ACSM2B: variants seen among roughly 807,000 people sequenced by gnomAD.
The protein encoded by ACSM2B is acyl-CoA synthetase medium chain family member 2B, also known as acyl-coenzyme A synthetase ACSM2B, mitochondrial.
Under a neutral mutation model 78.6 loss-of-function variants are expected in ACSM2B, and 58 were observed. The observed-to-expected ratio is 0.74, with a 90% CI of 0.60 to 0.92. The LOEUF is 0.92. Among genes scored for constraint, ACSM2B ranks in the 40% least tolerant of loss-of-function variants. ACSM2B has a pLI of 0.00. For missense variants in ACSM2B, 688 were observed against 711.2 expected (o/e 0.97, Z 0.37); for synonymous variants, 257 against 256.8 (o/e 1.00, Z -0.01).
At chr16:20,547,250 C>T (rs1461262742) in intron 8 of ACSM2B, 1 of 985,408 alleles carries the variant, frequency 1.0e-6, no homozygotes, top group African/African-American at 1.7e-5. Context: ...TAAACATGTC[C>T]TCCTCTGAAT....
intron 12 of ACSM2B, chr16:20,542,007 A>T (rs939180224): frequency 6.6e-6 from 1 of 152,102 alleles, no homozygotes; most frequent in Non-Finnish European, 1.5e-5. Context: ...TATTGGGTAC[A>T]AGTGACATTT....
chr16:20,554,816 C>T (rs2015418868), intron 4 of ACSM2B, among the ~76,000 whole-genome samples: 1 of 152,242 alleles, frequency 6.6e-6, no homozygotes, highest in Non-Finnish European at 1.5e-5. Context: ...TTTCAACCCA[C>T]TTGGTGTTAA....
intron 3 of ACSM2B, 51 bp from the exon 4 acceptor site, chr16:20,555,527 C>T: frequency 6.2e-7 from 1 of 1,606,174 alleles, no homozygotes; most frequent in African/African-American, 1.3e-5. Context: ...TTCTTTGTCC[C>T]TAGAGAAGCC....
intron 4 of ACSM2B, 52 bp downstream of exon 4, chr16:20,555,217 G>A: frequency 6.2e-7 from 1 of 1,611,874 alleles, no homozygotes; most frequent in Non-Finnish European, 8.5e-7. Context: ...TAAGTGCTTG[G>A]CTCTGTTTCC....
Position 20,548,380 on chromosome 16 carries a change from C to T in ACSM2B, c.974+14G>A, listed in dbSNP as rs2015206747. On this transcript the variant is annotated intron_variant, in intron 7 of 13. Coordinates refer to ENST00000329697, the MANE Select transcript of ACSM2B (RefSeq NM_001105069.2). ...GGGGCCAGACTCTCTTACCAATCCT[C>T]AAAGCCCCATCACCTGGAAAGATCC... 1 of 1,613,586 alleles carries T rather than the reference C, an allele frequency of 6.2e-7. No individual in the cohort carries two copies. Among genetic ancestry groups the T allele is most frequent in the East Asian group, 2.2e-5 (1 of 44,876 alleles).
At chr16:20,552,092 G>T (rs2015327191) in intron 6 of ACSM2B, 52 bp downstream of exon 6, 1 of 1,545,078 alleles carries the variant, frequency 6.5e-7, no homozygotes, top group African/African-American at 1.4e-5. Context: ...ATTGAAGTGT[G>T]CAAACCTCGG....
intron 1 of ACSM2B, among the ~76,000 whole-genome samples, chr16:20,567,877 T>C (rs1350954141): frequency 7.0e-6 from 1 of 142,944 alleles, no homozygotes; most frequent in African/African-American, 2.5e-5. Context: ...AGATATATAC[T>C]ATACTATTAT....
chr16:20,549,686 A>T (rs778940870), intron 6 of ACSM2B: 8 of 414,180 alleles, frequency 1.9e-5, no homozygotes, highest in Non-Finnish European at 2.8e-5. Context: ...AGGTCCTGAG[A>T]ACACGTGCCC....
intron 1 of ACSM2B, among the ~76,000 whole-genome samples, chr16:20,565,714 T>G (rs2015805209): frequency 6.6e-6 from 1 of 152,098 alleles, no homozygotes; most frequent in Non-Finnish European, 1.5e-5. Flanking sequence ...ATTTGTGACA[T>G]TGTTGTGCAC....
At chr16:20,562,344 G>C (rs1168582093) in intron 2 of ACSM2B, among the ~76,000 whole-genome samples, 1 of 152,092 alleles carries the variant, frequency 6.6e-6, no homozygotes. Context: ...CATAGTTTGA[G>C]AGTAATGATG....
chr16:20,560,250 G>T (rs2015611803), intron 2 of ACSM2B, among the ~76,000 whole-genome samples: 1 of 151,634 alleles, frequency 6.6e-6, no homozygotes, highest in East Asian at 1.9e-4. Flanking sequence ...ACATGATATT[G>T]TCTGAATATT....
At position 20,536,438 on chromosome 16, in the gene ACSM2B, GTGCC is replaced by G. The variant is rs1406137771; in HGVS notation, c.*816_*819del. 1.3e-5 allele frequency: 2 copies of G among 152,150 alleles called. No homozygotes were observed. The allele number at this position is 152,150 out of a possible 1,614,324, so 9.4% of individuals were successfully genotyped here. A position where few individuals can be genotyped will look rare whatever the true frequency, so the allele number is the denominator to read the frequency against. ...TGGTATTTATAATGTGTCTGGGTCA[GTGCC>G]TGGCACATGGCAAATGCTTAATAAA... On this transcript the variant is annotated 3_prime_UTR_variant, in exon 14 of 14. Transcript: ENST00000329697.
chr16:20,559,618 T>C (rs1376601436), intron 2 of ACSM2B, among the ~76,000 whole-genome samples, 171 bp from the exon 3 acceptor site: 1 of 151,072 alleles, frequency 6.6e-6, no homozygotes, highest in African/African-American at 2.5e-5. Flanking sequence ...TTATATGAGT[T>C]ATATCTATCA....
In ACSM2B at chr16:20,562,289, C is replaced by T. The variant is rs926531796; in HGVS notation, c.177+2380G>A. On this transcript the variant is annotated intron_variant, in intron 2 of 13. Coordinates refer to ENST00000329697, the MANE Select transcript of ACSM2B (RefSeq NM_001105069.2). ...GTTTTATTGTAAAATAGACCCTTCG[C>T]ATATCCCCTGAAAGAGTCTCATGTA... 4.6e-5 allele frequency among the ~76,000 whole-genome samples: 7 copies of T among 152,248 alleles called. No individual in the cohort carries two copies. In the South Asian group the frequency reaches 1.2e-3, roughly 27 times the overall value.
rs1245253628 is a variant in ACSM2B, at chr16:20,549,066, C to T, written c.895-593G>A. Among the ~76,000 whole-genome samples, 6 of 152,150 alleles carry T rather than the reference C, an allele frequency of 3.9e-5. No homozygotes were observed. The South Asian group carries it at 1.2e-3, about 31-fold the overall frequency. ...TTCCAATAACCTCATGGAGTGTGCG[C>T]TATCATCCTCATGATACAGAGGGGA... is the stretch of plus-strand genomic sequence containing the variant. On this transcript the variant is annotated intron_variant, in intron 6 of 13. Transcript: ENST00000329697.
intron 5 of ACSM2B, among the ~76,000 whole-genome samples, chr16:20,552,856 G>C (rs1304496138): frequency 6.6e-6 from 1 of 152,144 alleles, no homozygotes; most frequent in East Asian, 1.9e-4. Context: ...ACTTCCTTGT[G>C]ACGGGAACTG....
intron 1 of ACSM2B, among the ~76,000 whole-genome samples, chr16:20,575,260 T>C (rs1484726003): frequency 2.0e-5 from 3 of 151,884 alleles, no homozygotes; most frequent in East Asian, 3.9e-4. Flanking sequence ...GAAACAGAAC[T>C]AATGGAATAT....
intron 1 of ACSM2B, among the ~76,000 whole-genome samples, chr16:20,566,321 G>A (rs2015839144): frequency 8.0e-6 from 1 of 124,500 alleles, no homozygotes; most frequent in South Asian, 2.4e-4. Flanking sequence ...ATATCCATCA[G>A]CTTGGAATGA....
intron 3 of ACSM2B, among the ~76,000 whole-genome samples, chr16:20,558,867 G>T (rs1190784978): frequency 9.9e-5 from 15 of 152,242 alleles, no homozygotes; most frequent in South Asian, 2.1e-4. Flanking sequence ...AAAACAAGCT[G>T]TGGGCAGGAT....
Sources: allele counts gnomAD v4.1 joint callset (sites outside exome capture counted in the v4.1 genomes callset), GRCh38; gene constraint gnomAD v4.1.1; transcripts MANE v1.5; gene names NCBI Gene and HGNC (gene_info 2026-07-23, HGNC 2026-07-21).